The following PLK5 variants were observed in gnomAD, a reference collection of about 807,000 sequenced individuals.
PLK5 encodes the protein inactive serine/threonine-protein kinase PLK5.
Under a neutral mutation model 33.7 loss-of-function variants are expected in PLK5, and 28 were observed. The observed-to-expected ratio is 0.83, with a 90% CI of 0.62 to 1.14. The LOEUF (loss-of-function observed/expected upper bound fraction) is 1.14, where lower values mean the gene tolerates loss of function less well. Among genes scored for constraint, PLK5 ranks in the 50% most tolerant of loss-of-function variants. PLK5 has a pLI of 0.00. For missense variants in PLK5, 492 were observed against 461.5 expected (o/e 1.07, Z -0.61); for synonymous variants, 225 against 202.2 (o/e 1.11, Z -0.96).
intron 13 of PLK5, 148 bp from the exon 14 acceptor site, chr19:1,534,917 C>T (rs903271706): frequency 1.1e-5 from 8 of 721,868 alleles, no homozygotes; most frequent in South Asian, 4.1e-5. Flanking sequence ...CTTGGCCTCC[C>T]GACCCCGAGT....
chr19:1,532,213 C>G (rs1913951497), intron 12 of PLK5, among the ~76,000 whole-genome samples: 1 of 152,128 alleles, frequency 6.6e-6, no homozygotes, highest in African/African-American at 2.4e-5. Flanking sequence ...CGAGATCAGC[C>G]TGGACAACAT....
chr19:1,529,544 A>G (rs1913864565), intron 10 of PLK5, 54 bp downstream of exon 10: 1 of 1,501,836 alleles, frequency 6.7e-7, no homozygotes, highest in Non-Finnish European at 9.0e-7. Context: ...GAGGAATTAC[A>G]AGTGACAGGG....
At chr19:1,534,836 G>A (rs1040725011) in intron 13 of PLK5, among the ~76,000 whole-genome samples, 61 of 151,350 alleles carry the variant, frequency 4.0e-4, no homozygotes, top group African/African-American at 1.5e-3. Flanking sequence ...AAAAGTCAGG[G>A]TCTTGCTGGA....
Position 1,529,806 on chromosome 19 carries a change from C to T in PLK5, c.550C>T (p.Leu184=), listed in dbSNP as rs1463654885. ...EAALRHLQLC[L]DVGPPATQDP... is the part of the protein sequence containing the mutation. ...GGCCCTCAGACACCTGCAGCTGTGC[C>T]TGGATGTAGGCCCCCCGGGTAGGAG... is the stretch of plus-strand genomic sequence containing the variant. Residue 184 remains leucine (L), a synonymous_variant, in exon 11 of 14, where the codon CTG becomes TTG. Transcript: ENST00000454744. 3 of 1,535,820 alleles carry T rather than the reference C, an allele frequency of 2.0e-6. No individual in the cohort carries two copies. The African/African-American group carries it at 4.1e-5, about 21-fold the overall frequency.
chr19:1,534,912 C>T lies in PLK5; in HGVS notation c.826-153C>T, dbSNP rs538127643. Among the ~76,000 whole-genome samples, 3 of 152,126 alleles carry T rather than the reference C, an allele frequency of 2.0e-5. 1 individual carries two copies. In the East Asian group the frequency reaches 5.8e-4, roughly 29 times the overall value. On this transcript the variant is annotated intron_variant, in intron 13 of 13. Transcript: ENST00000454744. ...CCCAGGTGTACAGTGGAGCACTTGG[C>T]CTCCCGACCCCGAGTTCCTGTGGCT...
At chr19:1,534,155 G>GAAAAA (rs34242824) in intron 13 of PLK5, 114 bp downstream of exon 13, 10 of 528,726 alleles carry the variant, frequency 1.9e-5, no homozygotes, top group African/African-American at 6.4e-5. Context: ...TGCCTCCCAG[G>GAAAAA]AAAAAAAAAA....
chr19:1,529,082 C>T, intron 9 of PLK5, 108 bp downstream of exon 9: 4 of 940,086 alleles, frequency 4.3e-6, no homozygotes, highest in East Asian at 5.5e-5. Flanking sequence ...TCTGGGGTCT[C>T]CAAGCCCGGC....
intron 13 of PLK5, 83 bp downstream of exon 13, chr19:1,534,124 G>A (rs1419430182): frequency 1.0e-5 from 11 of 1,097,412 alleles, no homozygotes; most frequent in African/African-American, 1.6e-5. Context: ...AGCAAGCTTT[G>A]GGGGAGCCTT....
chr19:1,531,924 C>T lies in PLK5; in HGVS notation c.714+41C>T, dbSNP rs1396190819. ...CTGTGCCCTGGGGGACCAGGCACTCCCCCTGCCTTTTTTCATTCATCTCTC... is the reference window on the plus strand; with the variant it reads ...CTGTGCCCTGGGGGACCAGGCACTCTCCCTGCCTTTTTTCATTCATCTCTC... On this transcript the variant is annotated intron_variant, in intron 12 of 13. Transcript: ENST00000454744. 6.3e-6 allele frequency: 9 copies of T among 1,421,520 alleles called. No individual in the cohort carries two copies. The South Asian group carries it at 1.1e-4, about 17-fold the overall frequency. The allele number at this position is 1,421,520 out of a possible 1,614,324, so 88.1% of individuals were successfully genotyped here.
Position 1,529,428 on chromosome 19 carries a change from T to A in PLK5, c.428T>A (p.Val143Asp). Residue 143 changes from valine (V) to aspartate (D), a missense_variant, in exon 10 of 14, where the codon GTT becomes GAT. Val to Asp is a radical substitution (Grantham distance 152). Transcript: ENST00000454744. ...CAGAGCTCCCTGTCTGCGAAAGAGG[T>A]TCCCTGCCTGGAAGGCCCCATCCAC... is the stretch of plus-strand genomic sequence containing the variant. Reference protein sequence around the residue: ...DGESSLSAKEVPCLEGPIHLV... With the variant: ...DGESSLSAKEDPCLEGPIHLV... 1 of 1,535,848 alleles carries A rather than the reference T, an allele frequency of 6.5e-7. No homozygotes were observed. Among genetic ancestry groups the A allele is most frequent in the Non-Finnish European group, 8.7e-7 (1 of 1,146,814 alleles).
At chr19:1,533,259 A>G (rs1183805578) in intron 12 of PLK5, among the ~76,000 whole-genome samples, 1 of 151,040 alleles carries the variant, frequency 6.6e-6, no homozygotes, top group African/African-American at 2.4e-5. Flanking sequence ...CGCCTGGCTA[A>G]TTTTGAATTT....
At position 1,528,882 on chromosome 19, in the gene PLK5, C is replaced by T; in HGVS notation, c.329-16C>T. ...GCCCAGGCTGTGCCCCCTCCAAGGC[C>T]TTGTGCCTCCCTCAGGCCCCTTCAC... On this transcript the variant is annotated splice_polypyrimidine_tract_variant and intron_variant, in intron 8 of 13. Coordinates refer to ENST00000454744, the MANE Select transcript of PLK5 (RefSeq NM_001243079.2). The T allele has an allele frequency of 1.3e-6, 2 of 1,498,640 alleles. No homozygotes were observed. The highest frequency in any genetic ancestry group is 2.6e-5 in the South Asian group (2 of 78,298). 92.8% of individuals were successfully genotyped at this position (1,498,640 alleles called of 1,614,324 possible). A position where few individuals can be genotyped will look rare whatever the true frequency, so the allele number is the denominator to read the frequency against.
At chr19:1,530,603 C>CT (rs1913898516) in intron 11 of PLK5, among the ~76,000 whole-genome samples, 2 of 100,238 alleles carry the variant, frequency 2.0e-5, no homozygotes, top group Admixed American at 1.2e-4. Flanking sequence ...CGCCTGGGCG[C>CT]ATTTTTTTTT....
Position 1,527,997 on chromosome 19 carries a change from A to G in PLK5, c.64A>G (p.Asn22Asp). ...MASPLSEMYQNIREGHYPEPA... is the reference protein window; with the variant it reads ...MASPLSEMYQDIREGHYPEPA... ...CTCACCCCTGTCGGAGATGTACCAA[A>G]ACATCCGTGAGGGCCACTACCCCGA... is the stretch of plus-strand genomic sequence containing the variant. The change falls in exon 7 of 14, where the codon AAC becomes GAC. Residue 22 changes from asparagine (N) to aspartate (D), a missense_variant. By Grantham distance (23) the Asn-to-Asp change is conservative. Transcript: ENST00000454744. The G allele has an allele frequency of 6.5e-7, 1 of 1,536,022 alleles. No homozygotes were observed.
At chr19:1,529,019 C>G in intron 9 of PLK5, 45 bp downstream of exon 9, 2 of 1,429,540 alleles carry the variant, frequency 1.4e-6, no homozygotes, top group Non-Finnish European at 1.8e-6. Context: ...AGGTGGAGGG[C>G]ATGCTGGCCC....
chr19:1,528,891 C>A lies in PLK5; in HGVS notation c.329-7C>A. On this transcript the variant is annotated splice_region_variant and splice_polypyrimidine_tract_variant and intron_variant, in intron 8 of 13. Transcript: ENST00000454744. Reference sequence around the variant, plus strand: ...GTGCCCCCTCCAAGGCCTTGTGCCTCCCTCAGGCCCCTTCACGCCTAAAGA... The same window carrying A: ...GTGCCCCCTCCAAGGCCTTGTGCCTACCTCAGGCCCCTTCACGCCTAAAGA... The A allele has an allele frequency of 6.7e-7, 1 of 1,501,694 alleles. No individual in the cohort carries two copies. Among genetic ancestry groups the A allele is most frequent in the Non-Finnish European group, 8.8e-7 (1 of 1,131,960 alleles). 93.0% of individuals were successfully genotyped at this position (1,501,694 alleles called of 1,614,324 possible). A position where few individuals can be genotyped will look rare whatever the true frequency, so the allele number is the denominator to read the frequency against.
rs1913757630 is a variant in PLK5, at chr19:1,526,927, C to A, written c.-70C>A. On this transcript the variant is annotated 5_prime_UTR_variant, in exon 6 of 14. Transcript: ENST00000454744. ...GAGTACTCTGTGGGACCCCTAACTTCCTGGACCCTGAGGTTGTCTCCAGAA... is the reference window on the plus strand; with the variant it reads ...GAGTACTCTGTGGGACCCCTAACTTACTGGACCCTGAGGTTGTCTCCAGAA... The A allele has an allele frequency of 1.3e-6, 2 of 1,523,502 alleles. No homozygotes were observed. The highest frequency in any genetic ancestry group is 1.8e-6 in the Non-Finnish European group (2 of 1,135,582). 94.4% of individuals were successfully genotyped at this position (1,523,502 alleles called of 1,614,324 possible).
rs1233564931 is a variant in PLK5 at position 1,529,810 on chromosome 19, A to T, written c.554A>T (p.Asp185Val). 1 of 1,535,812 alleles carries T rather than the reference A, an allele frequency of 6.5e-7. No individual in the cohort carries two copies. Among genetic ancestry groups the T allele is most frequent in the South Asian group, 1.2e-5 (1 of 84,030 alleles). Residue 185 changes from aspartate to valine, a missense_variant, in exon 11 of 14, where the codon GAT (aspartate) becomes GTT (valine). Coordinates refer to ENST00000454744, the MANE Select transcript of PLK5 (RefSeq NM_001243079.2). ...CTCAGACACCTGCAGCTGTGCCTGG[A>T]TGTAGGCCCCCCGGGTAGGAGCCGG... ...AALRHLQLCL[D>V]VGPPATQDPL... is the part of the protein sequence containing the mutation.
Position 1,528,303 on chromosome 19 carries a change from G to C in PLK5, c.203G>C (p.Gly68Ala). 6.5e-7 allele frequency: 1 copy of C among 1,535,814 alleles called. No individual in the cohort carries two copies. The highest frequency in any genetic ancestry group is 8.7e-7 in the Non-Finnish European group (1 of 1,146,784). ...ATAACCCCAAATCCCCATCCAAAGGGTTTCACTCCAGACCGGCTGCCGGCC... is the reference window on the plus strand; with the variant it reads ...ATAACCCCAAATCCCCATCCAAAGGCTTTCACTCCAGACCGGCTGCCGGCC... ...HLLQDDFFTQ[G>A]FTPDRLPAHS... is the part of the protein sequence containing the mutation. Residue 68 changes from glycine to alanine, a missense_variant and splice_region_variant, in exon 8 of 14, where the codon GGT becomes GCT. Physicochemically the swap from Gly to Ala is moderately conservative, Grantham distance 60. Transcript: ENST00000454744.
Sources: gnomAD v4.1 joint callset for allele counts (sites outside exome capture counted in the v4.1 genomes callset) on GRCh38, gnomAD v4.1.1 for gene constraint, MANE v1.5 for transcripts, NCBI Gene and HGNC (gene_info 2026-07-23, HGNC 2026-07-21) for gene names.